The following GPC6 variants were observed in gnomAD, a reference collection of about 807,000 sequenced individuals.
The protein encoded by GPC6 is glypican-6.
GPC6 carries 14 observed loss-of-function variants against 55.2 expected under a neutral mutation model. The observed-to-expected ratio is 0.25, with a 90% confidence interval of 0.17 to 0.40. GPC6 has a LOEUF of 0.40. Among genes scored for constraint, GPC6 ranks in the 10% least tolerant of loss-of-function variants. The pLI is 1.00. For missense variants in GPC6, 641 were observed against 708.5 expected, an observed-to-expected ratio of 0.90 and a Z score of 1.08; for synonymous variants, 278 against 259.6, an observed-to-expected ratio of 1.07 and a Z score of -0.68.
At chr13:93,952,350 T>C (rs971088637) in intron 3 of GPC6, among the ~76,000 whole-genome samples, 1 of 152,160 alleles carries the variant, frequency 6.6e-6, no homozygotes, top group Admixed American at 6.6e-5. Flanking sequence ...AAGAACTGTA[T>C]GAATATTACT....
intron 1 of GPC6, among the ~76,000 whole-genome samples, chr13:93,433,237 G>T (rs1443567795): frequency 3.3e-5 from 5 of 152,136 alleles, no homozygotes; most frequent in Non-Finnish European, 7.3e-5. Context: ...ATGAAATCTG[G>T]TTGGATGAGA....
At chr13:93,341,917 C>G (rs1051349867) in intron 1 of GPC6, among the ~76,000 whole-genome samples, 1 of 146,758 alleles carries the variant, frequency 6.8e-6, no homozygotes, top group African/African-American at 2.5e-5. Flanking sequence ...CTTTTTTTTT[C>G]TTTCTTTTTT....
intron 2 of GPC6, among the ~76,000 whole-genome samples, chr13:93,582,632 T>G (rs1209641700): frequency 1.3e-5 from 2 of 152,216 alleles, no homozygotes; most frequent in Non-Finnish European, 2.9e-5. Context: ...TTATCTTTAT[T>G]TTTCTATTTT....
intron 5 of GPC6, among the ~76,000 whole-genome samples, chr13:94,288,872 TATATATATAACTA>T (rs72289564): frequency 4.1e-3 from 120 of 29,176 alleles, no homozygotes; most frequent in Non-Finnish European, 5.9e-3. Flanking sequence ...ATATATTTGT[TATATATATAACTA>T]ATATATATAA....
At chr13:93,506,547 G>T (rs1396226610) in intron 1 of GPC6, among the ~76,000 whole-genome samples, 2 of 152,058 alleles carry the variant, frequency 1.3e-5, no homozygotes, top group Non-Finnish European at 2.9e-5. Flanking sequence ...GGCATTTCTG[G>T]AGGCTATAAA....
rs1350980663 is a variant in GPC6, at chr13:93,315,663, G to C, written c.160+88047G>C. 3.3e-5 allele frequency among the ~76,000 whole-genome samples: 5 copies of C among 151,776 alleles called. 1 individual carries two copies. The highest frequency in any genetic ancestry group is 2.1e-4 in the South Asian group (1 of 4,812). On this transcript the variant is annotated intron_variant, in intron 1 of 8. Coordinates refer to ENST00000377047, the MANE Select transcript of GPC6 (RefSeq NM_005708.5). The stretch of plus-strand genomic sequence containing the variant: ...TAAGACTAAAAGTGTACCTAAGATT[G>C]GTTGTTGTGAAGTTTTAAAAATGTG...
At chr13:94,076,981 G>A (rs574544421) in intron 4 of GPC6, among the ~76,000 whole-genome samples, 80 of 125,954 alleles carry the variant, frequency 6.4e-4, no homozygotes, top group African/African-American at 2.3e-3. Context: ...TTTTTTTTGT[G>A]GCTTTATATG....
intron 4 of GPC6, among the ~76,000 whole-genome samples, chr13:94,052,725 T>G (rs1324785729): frequency 1.3e-5 from 2 of 152,176 alleles, no homozygotes; most frequent in African/African-American, 4.8e-5. Context: ...AACTTAATTT[T>G]AAGCTTCTTG....
At chr13:94,189,344 A>G (rs1483313806) in intron 4 of GPC6, among the ~76,000 whole-genome samples, 1 of 152,170 alleles carries the variant, frequency 6.6e-6, no homozygotes, top group Non-Finnish European at 1.5e-5. Context: ...GTCAGCTGAG[A>G]AACGAGGACT....
At chr13:93,883,898 C>G (rs1390598235) in intron 3 of GPC6, among the ~76,000 whole-genome samples, 1 of 152,066 alleles carries the variant, frequency 6.6e-6, no homozygotes, top group African/African-American at 2.4e-5. Context: ...AAAACAAAAA[C>G]AATCCATCTT....
intron 3 of GPC6, among the ~76,000 whole-genome samples, chr13:94,007,363 G>A (rs540697317): frequency 3.3e-5 from 5 of 152,296 alleles, no homozygotes; most frequent in South Asian, 2.1e-4. Flanking sequence ...AGGAGGAATC[G>A]CTGCCCTCAT....
chr13:93,424,233 A>G (rs1037179139), intron 1 of GPC6, among the ~76,000 whole-genome samples: 2 of 152,076 alleles, frequency 1.3e-5, no homozygotes, highest in Non-Finnish European at 2.9e-5. Context: ...CTCTGAGGCC[A>G]TCTGCCTCTG....
chr13:94,073,659 G>A (rs1884811683), intron 4 of GPC6, among the ~76,000 whole-genome samples: 1 of 152,174 alleles, frequency 6.6e-6, no homozygotes. Context: ...CTGTTTCACA[G>A]GTCCAAGTAT....
chr13:93,912,742 C>CA (rs1195490743), intron 3 of GPC6, among the ~76,000 whole-genome samples: 18 of 151,608 alleles, frequency 1.2e-4, no homozygotes, highest in East Asian at 3.9e-4. Context: ...GACTCCGTCT[C>CA]AAAAAAAACA....
chr13:94,159,160 A>C (rs537376743), intron 4 of GPC6, among the ~76,000 whole-genome samples: 1 of 152,254 alleles, frequency 6.6e-6, no homozygotes, highest in African/African-American at 2.4e-5. Flanking sequence ...GGGATTCCAC[A>C]TCAACTACTT....
chr13:94,038,196 T>C (rs1883408931), intron 4 of GPC6, among the ~76,000 whole-genome samples: 1 of 151,954 alleles, frequency 6.6e-6, no homozygotes, highest in Non-Finnish European at 1.5e-5. Context: ...ACAATCAAGC[T>C]ATTTTAATTA....
rs188551423 is a variant in GPC6 at position 94,179,027 on chromosome 13, G to A, written c.878-107322G>A. ...TTGAAGCCTGTTACAAGATACACGCGGTCTAGATTTTTATCTCATTCCTGT... is the reference window on the plus strand; with the variant it reads ...TTGAAGCCTGTTACAAGATACACGCAGTCTAGATTTTTATCTCATTCCTGT... On this transcript the variant is annotated intron_variant, in intron 4 of 8. Transcript: ENST00000377047. Among the ~76,000 whole-genome samples, 13 of 152,214 alleles carry A rather than the reference G, an allele frequency of 8.5e-5. No homozygotes were observed. The South Asian group carries it at 1.9e-3, about 22-fold the overall frequency.
chr13:93,778,339 A>G (rs1443176064), intron 2 of GPC6, among the ~76,000 whole-genome samples: 2 of 151,834 alleles, frequency 1.3e-5, no homozygotes, highest in African/African-American at 4.9e-5. Flanking sequence ...CAAAACGAAG[A>G]GAGTGAATTA....
At chr13:93,541,187 C>G (rs1426113605) in intron 1 of GPC6, among the ~76,000 whole-genome samples, 3 of 125,256 alleles carry the variant, frequency 2.4e-5, no homozygotes, top group Non-Finnish European at 3.3e-5. Context: ...CCCCCCACCC[C>G]ACAACAGTCC....
Sources: allele counts gnomAD v4.1 joint callset (sites outside exome capture counted in the v4.1 genomes callset), GRCh38; gene constraint gnomAD v4.1.1; transcripts MANE v1.5; gene names NCBI Gene and HGNC (gene_info 2026-07-23, HGNC 2026-07-21).